The following PSEN1 variants were observed in gnomAD, a reference collection of about 807,000 sequenced individuals.
PSEN1 encodes presenilin 1, also known as presenilin-1.
A neutral mutation model predicts 53.5 loss-of-function variants in PSEN1; 15 were observed. The observed-to-expected ratio is 0.28, with a 90% CI of 0.19 to 0.43. The LOEUF is 0.43. PSEN1 is among the 20% of genes least tolerant of loss of function. PSEN1 has a pLI of 1.00. For synonymous variants in PSEN1, 208 were observed against 209.8 expected, an observed-to-expected ratio of 0.99 and a Z score of 0.08; for missense variants, 387 against 571.2, an observed-to-expected ratio of 0.68 and a Z score of 3.29.
chr14:73,184,115 C>G (rs1379021331), intron 5 of PSEN1, among the ~76,000 whole-genome samples: 3 of 116,630 alleles, frequency 2.6e-5, no homozygotes, highest in Admixed American at 8.0e-5. Context: ...GACCCCCCCC[C>G]ACCTCCCTCC....
intron 3 of PSEN1, among the ~76,000 whole-genome samples, chr14:73,151,296 T>C (rs1897216097): frequency 6.6e-6 from 1 of 152,200 alleles, no homozygotes; most frequent in East Asian, 1.9e-4. Context: ...TAACTGACAG[T>C]GCTGCAGTGA....
intron 3 of PSEN1, among the ~76,000 whole-genome samples, chr14:73,170,372 C>T (rs75975162): frequency 0.015 from 2,297 of 152,254 alleles, 57 homozygotes; most frequent in African/African-American, 0.051. Flanking sequence ...CTGGTCCAAA[C>T]GCCTCTGACA....
intron 1 of PSEN1, among the ~76,000 whole-genome samples, chr14:73,141,410 G>T (rs1896921906): frequency 2.0e-5 from 3 of 152,322 alleles, no homozygotes; most frequent in Middle Eastern, 6.8e-3. Flanking sequence ...CTGGAGAAAT[G>T]ATTTGCTCCT....
At chr14:73,149,926 C>T (rs150800565) in intron 3 of PSEN1, among the ~76,000 whole-genome samples, 44 of 152,298 alleles carry the variant, frequency 2.9e-4, no homozygotes, top group South Asian at 2.1e-4. Context: ...AATACTGTGA[C>T]GAGCTGCTAT....
chr14:73,191,849 C>G (rs1196064625), intron 6 of PSEN1, among the ~76,000 whole-genome samples: 1 of 152,066 alleles, frequency 6.6e-6, no homozygotes, highest in African/African-American at 2.4e-5. Context: ...GCCTAGCCTG[C>G]ATATATCTAT....
At chr14:73,164,088 A>G (rs903367683) in intron 3 of PSEN1, among the ~76,000 whole-genome samples, 4 of 152,218 alleles carry the variant, frequency 2.6e-5, no homozygotes, top group African/African-American at 9.6e-5. Context: ...AGATAGATCC[A>G]GGAGATGTTT....
chr14:73,171,958 G>A (rs182508158), intron 4 of PSEN1, among the ~76,000 whole-genome samples: 2 of 152,200 alleles, frequency 1.3e-5, no homozygotes, highest in Admixed American at 1.3e-4. Flanking sequence ...TTTCTCACTT[G>A]TCACAATTTG....
chr14:73,136,904 AAG>A (rs1291227184), intron 1 of PSEN1: 1 of 154,156 alleles, frequency 6.5e-6, no homozygotes, highest in Non-Finnish European at 1.4e-5. Context: ...GAGTAGGAGA[AAG>A]AGGAAGCGTC....
chr14:73,153,714 C>CTTTT (rs773862128), intron 3 of PSEN1, among the ~76,000 whole-genome samples: 1 of 130,056 alleles, frequency 7.7e-6, no homozygotes, highest in Non-Finnish European at 1.6e-5. Context: ...ATTTTCTTTC[C>CTTTT]TTTTTTTTTT....
intron 8 of PSEN1, 62 bp from the exon 9 acceptor site, chr14:73,206,324 G>C (rs1027077428): frequency 3.5e-6 from 4 of 1,149,332 alleles, no homozygotes; most frequent in Admixed American, 1.7e-5. Flanking sequence ...ATGATGGCTT[G>C]TTGTTGTCTA....
At chr14:73,211,695 G>A (rs757705689) in intron 9 of PSEN1, 74 bp from the exon 10 acceptor site, 152 of 1,521,230 alleles carry the variant, frequency 1.0e-4, no homozygotes, top group Admixed American at 1.5e-4. Context: ...GCTAGTTACT[G>A]TTTCCATGTA....
intron 5 of PSEN1, 124 bp from the exon 6 acceptor site, chr14:73,186,729 A>G (rs1351060021): frequency 1.2e-6 from 1 of 805,586 alleles, no homozygotes; most frequent in Admixed American, 1.8e-5. Flanking sequence ...GTGAGCTGAG[A>G]TCGTGCCACT....
At chr14:73,198,161 A>C in intron 8 of PSEN1, 32 bp downstream of exon 8, 2 of 1,253,278 alleles carry the variant, frequency 1.6e-6, no homozygotes, top group Non-Finnish European at 2.3e-6. Context: ...TGAATTAGTA[A>C]TCAGTGTAGA....
At chr14:73,196,358 C>A (rs1332012149) in intron 7 of PSEN1, among the ~76,000 whole-genome samples, 1 of 148,238 alleles carries the variant, frequency 6.7e-6, no homozygotes, top group Non-Finnish European at 1.5e-5. Flanking sequence ...GTAGAGATTT[C>A]TTTGTGTATG....
intron 8 of PSEN1, among the ~76,000 whole-genome samples, chr14:73,201,049 C>T (rs1899160506): frequency 6.6e-6 from 1 of 151,732 alleles, no homozygotes; most frequent in Admixed American, 6.6e-5. Flanking sequence ...GCTTCATCCC[C>T]ACCCTCCCAA....
intron 10 of PSEN1, among the ~76,000 whole-genome samples, chr14:73,212,814 T>C (rs976462362): frequency 2.6e-5 from 4 of 152,228 alleles, no homozygotes; most frequent in African/African-American, 7.2e-5. Flanking sequence ...GTCTTAGAGA[T>C]GTGGTTCATT....
rs80030711 is a variant in PSEN1 at position 73,178,703 on chromosome 14, C to T, written c.480+4996C>T. 6.2e-4 allele frequency among the ~76,000 whole-genome samples: 94 copies of T among 152,084 alleles called. 1 individual carries two copies. Among genetic ancestry groups the T allele is most frequent in the African/African-American group, 2.2e-3 (91 of 41,474 alleles). The stretch of plus-strand genomic sequence containing the variant: ...TTAGTTCTAAAATTCCTATATAGCC[C>T]GTCTTTACATTTTTTTATTCTGAAA... On this transcript the variant is annotated intron_variant, in intron 5 of 11. Transcript: ENST00000324501.
intron 8 of PSEN1, among the ~76,000 whole-genome samples, chr14:73,202,419 T>C (rs1329050900): frequency 1.9e-4 from 4 of 20,624 alleles, no homozygotes; most frequent in Admixed American, 1.0e-3. Flanking sequence ...TATCACATAC[T>C]ATATATATAT....
chr14:73,148,321 C>T (rs112890654), intron 3 of PSEN1, among the ~76,000 whole-genome samples: 17 of 152,334 alleles, frequency 1.1e-4, no homozygotes, highest in African/African-American at 3.6e-4. Flanking sequence ...ATCACCACCT[C>T]AGTTGAAGCC....
Sources: gnomAD v4.1 joint callset for allele counts (sites outside exome capture counted in the v4.1 genomes callset) on GRCh38, gnomAD v4.1.1 for gene constraint, MANE v1.5 for transcripts, NCBI Gene and HGNC (gene_info 2026-07-23, HGNC 2026-07-21) for gene names.